Variants in ZDHHC7 observed in about 807,000 individuals in gnomAD.
The protein encoded by ZDHHC7 is zDHHC palmitoyltransferase 7, also known as palmitoyltransferase ZDHHC7.
In ZDHHC7, 12 loss-of-function variants were observed where a neutral mutation model predicts 34.1. The observed-to-expected ratio is 0.35, with a 90% CI of 0.23 to 0.57. The LOEUF (loss-of-function observed/expected upper bound fraction) is 0.57, where lower values mean the gene tolerates loss of function less well. ZDHHC7 is among the 20% of genes least tolerant of loss of function. The probability of loss-of-function intolerance (pLI) is 0.84; values close to 1 mark genes in which losing one functional copy is unlikely to be tolerated. For missense variants in ZDHHC7, 388 were observed against 402.7 expected, an observed-to-expected ratio of 0.96 and a Z score of 0.31; for synonymous variants, 185 against 155.4, an observed-to-expected ratio of 1.19 and a Z score of -1.42.
chr16:85,007,006 C>T (rs555107294), intron 1 of ZDHHC7, among the ~76,000 whole-genome samples: 9 of 143,426 alleles, frequency 6.3e-5, no homozygotes, highest in Admixed American at 2.1e-4. Flanking sequence ...TATAAGACAC[C>T]GTAGAAGAAC....
At chr16:85,014,015 A>G (rs940462016), upstream of ZDHHC7, among the ~76,000 whole-genome samples, 1 of 152,188 alleles carries the variant, frequency 6.6e-6, no homozygotes, top group Non-Finnish European at 1.5e-5. Flanking sequence ...AGGGACCCCA[A>G]CCAAGAATGT....
At chr16:84,978,124 G>A (rs1214689262) in intron 5 of ZDHHC7, 119 bp from the exon 6 acceptor site, 28 of 664,788 alleles carry the variant, frequency 4.2e-5, no homozygotes, top group African/African-American at 9.5e-5. Context: ...TGCAACCTCC[G>A]CCTGCCAGAC....
At chr16:84,985,729 C>A (rs984381481) in intron 3 of ZDHHC7, among the ~76,000 whole-genome samples, 2 of 151,900 alleles carry the variant, frequency 1.3e-5, no homozygotes, top group African/African-American at 4.8e-5. Flanking sequence ...CCGAGGCAGG[C>A]GGATCACTTG....
intron 1 of ZDHHC7, among the ~76,000 whole-genome samples, chr16:84,999,249 A>C (rs773233011): frequency 1.3e-5 from 2 of 152,206 alleles, no homozygotes; most frequent in Non-Finnish European, 2.9e-5. Context: ...CTACAATGAG[A>C]TCAAATCTCC....
At chr16:84,982,748 C>T (rs2072386966) in intron 3 of ZDHHC7, among the ~76,000 whole-genome samples, 3 of 152,260 alleles carry the variant, frequency 2.0e-5, no homozygotes, top group African/African-American at 4.8e-5. Flanking sequence ...GCAACGAGGC[C>T]GCCCAGCGGC....
chr16:84,990,635 C>T lies in ZDHHC7; in HGVS notation c.-17G>A. The T allele has an allele frequency of 5.0e-6, 8 of 1,609,076 alleles. No homozygotes were observed. Among genetic ancestry groups the T allele is most frequent in the Non-Finnish European group, 5.9e-6 (7 of 1,177,298 alleles). ...TGGCTGCATGATTTCCCTGACGCACCCTGGGGAGGGGGACGACACAGAGCT... is the reference window on the plus strand; with the variant it reads ...TGGCTGCATGATTTCCCTGACGCACTCTGGGGAGGGGGACGACACAGAGCT... On this transcript the variant is annotated splice_region_variant and 5_prime_UTR_variant, in exon 3 of 8. Coordinates refer to ENST00000313732, the MANE Select transcript of ZDHHC7 (RefSeq NM_017740.3).
chr16:84,999,789 G>A (rs1336113173), intron 1 of ZDHHC7, among the ~76,000 whole-genome samples: 2 of 152,108 alleles, frequency 1.3e-5, no homozygotes, highest in East Asian at 1.9e-4. Context: ...GGTGACACAG[G>A]CATATGCGTT....
intron 2 of ZDHHC7, among the ~76,000 whole-genome samples, chr16:84,995,373 C>T (rs2072563133): frequency 6.6e-6 from 1 of 152,244 alleles, no homozygotes; most frequent in African/African-American, 2.4e-5. Context: ...CGCCTGTAAT[C>T]CCAGCACTTT....
upstream of ZDHHC7, among the ~76,000 whole-genome samples, chr16:85,014,009 A>C (rs2072824156): frequency 6.6e-6 from 1 of 152,076 alleles, no homozygotes; most frequent in African/African-American, 2.4e-5. Context: ...TGTTACAGGG[A>C]CCCCAACCAA....
chr16:84,986,848 G>C (rs1476701630), intron 3 of ZDHHC7, among the ~76,000 whole-genome samples: 1 of 152,222 alleles, frequency 6.6e-6, no homozygotes, highest in Non-Finnish European at 1.5e-5. Flanking sequence ...CAGAGGTGAT[G>C]TGATGGTTCT....
intron 6 of ZDHHC7, 92 bp downstream of exon 6, chr16:84,977,832 A>G (rs1024206307): frequency 1.9e-6 from 2 of 1,026,270 alleles, no homozygotes; most frequent in Non-Finnish European, 1.4e-6. Flanking sequence ...ATTTCCTTCA[A>G]AATTGGAAAA....
the ZDHHC7 span, among the ~76,000 whole-genome samples, chr16:85,018,890 C>T: frequency 1.7e-4 from 26 of 152,292 alleles, no homozygotes; most frequent in African/African-American, 6.0e-4. Context: ...TTGAGTTCAA[C>T]AGCCATGCTA....
the ZDHHC7 span, among the ~76,000 whole-genome samples, chr16:85,026,060 C>A: frequency 1.3e-5 from 2 of 152,268 alleles, no homozygotes; most frequent in African/African-American, 2.4e-5. Context: ...GGTCAGAAAA[C>A]CTTCTACGAA....
At chr16:84,987,843 A>G (rs2072456745) in intron 3 of ZDHHC7, among the ~76,000 whole-genome samples, 1 of 152,176 alleles carries the variant, frequency 6.6e-6, no homozygotes, top group African/African-American at 2.4e-5. Context: ...GCCAGGCACA[A>G]AAGGCCACAG....
At chr16:84,991,181 A>T (rs1429995399) in intron 2 of ZDHHC7, among the ~76,000 whole-genome samples, 1 of 152,142 alleles carries the variant, frequency 6.6e-6, no homozygotes, top group African/African-American at 2.4e-5. Flanking sequence ...CCTCAATTTG[A>T]TTCTCAGTTT....
upstream of ZDHHC7, among the ~76,000 whole-genome samples, chr16:85,013,543 A>G (rs887972143): frequency 9.9e-5 from 15 of 151,208 alleles, no homozygotes; most frequent in Non-Finnish European, 2.1e-4. Flanking sequence ...ACGCCCGGCC[A>G]AAGGTATTAT....
chr16:84,996,625 C>A (rs2072581208), intron 1 of ZDHHC7, among the ~76,000 whole-genome samples: 1 of 152,040 alleles, frequency 6.6e-6, no homozygotes, highest in Admixed American at 6.6e-5. Context: ...TAGGGAAAAC[C>A]CAACAAGAAG....
At position 84,976,517 on chromosome 16, in the gene ZDHHC7, C is replaced by T; in HGVS notation, c.753G>A (p.Glu251=). 6.2e-7 allele frequency: 1 copy of T among 1,612,742 alleles called. No homozygotes were observed. The highest frequency in any genetic ancestry group is 8.5e-7 in the Non-Finnish European group (1 of 1,179,852). The change falls in exon 8 of 8, where the codon GAG becomes GAA. Residue 251 remains glutamate, a splice_region_variant and synonymous_variant. Coordinates refer to ENST00000313732, the MANE Select transcript of ZDHHC7 (RefSeq NM_017740.3). ...GCTTCTCACTTTTCAATCGCTCGAT[C>T]TCCTGGAAGCAGAAAGAAAAGCAAG... The part of the protein sequence containing the change: ...QIHSICNDET[E]IERLKSEKPT...
intron 3 of ZDHHC7, among the ~76,000 whole-genome samples, chr16:84,987,907 C>T (rs1430791600): frequency 1.3e-5 from 2 of 152,218 alleles, no homozygotes; most frequent in Admixed American, 1.3e-4. Context: ...TGGCTCACGC[C>T]TGTAATCATC....
Sources: allele counts gnomAD v4.1 joint callset (sites outside exome capture counted in the v4.1 genomes callset), GRCh38; gene constraint gnomAD v4.1.1; transcripts MANE v1.5; gene names NCBI Gene and HGNC (gene_info 2026-07-23, HGNC 2026-07-21).